Variants in RYR2 observed in about 807,000 individuals in gnomAD.
RYR2 encodes the protein cardiac muscle ryanodine receptor-calcium release channel.
In RYR2, 227 loss-of-function variants were observed where a neutral mutation model predicts 601.1. That is an observed-to-expected ratio of 0.38 (90% CI 0.34 to 0.42). The LOEUF is 0.42. RYR2 is among the 10% of genes least tolerant of loss of function. The pLI is 1.00. For missense variants in RYR2, 4,646 were observed against 6,156.5 expected (o/e 0.75, Z 8.21); for synonymous variants, 2,223 against 2,175.1 (o/e 1.02, Z -0.61).
chr1:237,678,022 T>C, intron 60 of RYR2, 26 bp from the exon 61 acceptor site: 1 of 1,440,992 alleles, frequency 6.9e-7, no homozygotes, highest in Non-Finnish European at 9.8e-7. Flanking sequence ...GTGCAGCATT[T>C]ACCTAAAAAC....
chr1:237,400,689 C>T (rs891702173), intron 10 of RYR2, among the ~76,000 whole-genome samples: 1 of 151,802 alleles, frequency 6.6e-6, no homozygotes, highest in East Asian at 1.9e-4. Flanking sequence ...GACATTATTT[C>T]ACACCAACCT....
Position 237,757,759 on chromosome 1 carries a change from A to C in RYR2, c.11308A>C (p.Asn3770His). ...TGGAATTGCTATTTTAAATGGTGGG[A>C]ACTCCACAGTACAGCAGGTAACAGC... ...KLGIAILNGG[N>H]STVQQKMLDY... Residue 3770 changes from asparagine (N) to histidine (H), a missense_variant, in exon 82 of 105, where the codon AAC becomes CAC. Physicochemically the swap from Asn to His is moderately conservative, Grantham distance 68. Transcript: ENST00000366574. 1 of 1,608,342 alleles carries C rather than the reference A, an allele frequency of 6.2e-7. No individual in the cohort carries two copies. Among genetic ancestry groups the C allele is most frequent in the Non-Finnish European group, 8.5e-7 (1 of 1,174,836 alleles).
intron 8 of RYR2, among the ~76,000 whole-genome samples, chr1:237,378,147 T>TA (rs1457227189): frequency 1.3e-5 from 2 of 152,168 alleles, no homozygotes; most frequent in Non-Finnish European, 1.5e-5. Context: ...CTCCTCTTTT[T>TA]AAAACCATTA....
At chr1:237,215,625 T>C (rs1299565752) in intron 1 of RYR2, among the ~76,000 whole-genome samples, 1 of 152,198 alleles carries the variant, frequency 6.6e-6, no homozygotes, top group African/African-American at 2.4e-5. Context: ...AGACTGGGTT[T>C]TGAAGACCAG....
intron 1 of RYR2, among the ~76,000 whole-genome samples, chr1:237,258,888 G>A (rs1688249488): frequency 2.0e-5 from 3 of 152,104 alleles, no homozygotes; most frequent in Admixed American, 2.0e-4. Context: ...TGATAGAAGT[G>A]TTTATTTCTA....
intron 1 of RYR2, among the ~76,000 whole-genome samples, chr1:237,212,912 C>T (rs1471815472): frequency 1.3e-5 from 2 of 151,944 alleles, no homozygotes; most frequent in Non-Finnish European, 2.9e-5. Context: ...GCTGGGATTA[C>T]AGGCACCCAC....
intron 34 of RYR2, among the ~76,000 whole-genome samples, chr1:237,596,143 T>A (rs1187122480): frequency 6.6e-6 from 1 of 152,114 alleles, no homozygotes; most frequent in Non-Finnish European, 1.5e-5. Context: ...AACACGCGAA[T>A]GGAAGGAAAC....
At chr1:237,284,896 T>C (rs1477219327) in intron 2 of RYR2, among the ~76,000 whole-genome samples, 2 of 152,122 alleles carry the variant, frequency 1.3e-5, no homozygotes, top group Admixed American at 6.5e-5. Flanking sequence ...GAAACTTTGC[T>C]TAATTCTTTT....
intron 1 of RYR2, among the ~76,000 whole-genome samples, chr1:237,185,257 C>T (rs1159776769): frequency 6.6e-6 from 1 of 152,088 alleles, no homozygotes; most frequent in Admixed American, 6.5e-5. Flanking sequence ...ACCTTGGCCT[C>T]CCAAATTGCT....
At chr1:237,442,275 T>C (rs997116373) in intron 13 of RYR2, among the ~76,000 whole-genome samples, 3 of 152,250 alleles carry the variant, frequency 2.0e-5, no homozygotes, top group Non-Finnish European at 4.4e-5. Context: ...TGGTCATGGT[T>C]CTTCTACTAG....
chr1:237,117,742 CTTCTCTTCTCTTCT>C (rs1558264534), intron 1 of RYR2, among the ~76,000 whole-genome samples: 76 of 140,694 alleles, frequency 5.4e-4, no homozygotes, highest in African/African-American at 1.9e-3. Flanking sequence ...CTTCTCTTCT[CTTCTCTTCTCTTCT>C]CTGTTCTGAG....
At position 237,416,524 on chromosome 1, in the gene RYR2, T is replaced by C. The variant is rs568724151; in HGVS notation, c.774-525T>C. 4.6e-5 allele frequency among the ~76,000 whole-genome samples: 7 copies of C among 152,316 alleles called. No homozygotes were observed. In the East Asian group the frequency reaches 1.2e-3, roughly 25 times the overall value. On this transcript the variant is annotated intron_variant, in intron 10 of 104. Transcript: ENST00000366574. ...GACTTTTTGGATATTCATATTTTGA[T>C]ATAAATTGCAGATTGCTGTGTTAAA...
At chr1:237,346,552 A>G (rs1042354249) in intron 3 of RYR2, among the ~76,000 whole-genome samples, 13 of 152,236 alleles carry the variant, frequency 8.5e-5, no homozygotes, top group African/African-American at 3.1e-4. Context: ...AAATTTCTAA[A>G]CCCTTTCCTT....
chr1:237,796,767 C>T (rs1261145786), intron 96 of RYR2, among the ~76,000 whole-genome samples: 1 of 151,754 alleles, frequency 6.6e-6, no homozygotes, highest in Non-Finnish European at 1.5e-5. Context: ...TCTTTAATTG[C>T]TTTTCCTGTT....
At chr1:237,802,867 GTTTT>G (rs1203816435) in intron 98 of RYR2, among the ~76,000 whole-genome samples, 1 of 152,194 alleles carries the variant, frequency 6.6e-6, no homozygotes, top group African/African-American at 2.4e-5. Context: ...TTGCTTTGTA[GTTTT>G]TTTGTCCTCT....
chr1:237,042,538 A>T lies in RYR2; in HGVS notation c.17A>T (p.Glu6Val). ...CGCGGAACCATGGCCGATGGGGGCGAGGGCGAAGACGAGATCCAGTTCCTG... is the reference window on the plus strand; with the variant it reads ...CGCGGAACCATGGCCGATGGGGGCGTGGGCGAAGACGAGATCCAGTTCCTG... MADGG[E>V]GEDEIQFLRT... Residue 6 changes from glutamate to valine, a missense_variant, in exon 1 of 105, where the codon GAG becomes GTG. This residue lies in a region of RYR2 where 153 missense variants were observed against 203.6 expected (regional missense o/e 0.75). Coordinates refer to ENST00000366574, the MANE Select transcript of RYR2 (RefSeq NM_001035.3). 1.6e-6 allele frequency: 2 copies of T among 1,259,138 alleles called. No homozygotes were observed. The highest frequency in any genetic ancestry group is 2.0e-6 in the Non-Finnish European group (2 of 994,212). 78.0% of individuals were successfully genotyped at this position (1,259,138 alleles called of 1,614,324 possible).
chr1:237,705,135 T>A (rs1688265223), intron 66 of RYR2, 78 bp from the exon 67 acceptor site: 5 of 1,295,546 alleles, frequency 3.9e-6, no homozygotes, highest in Non-Finnish European at 5.4e-6. Flanking sequence ...CCTTTTAGGT[T>A]AAATTTGCTA....
At chr1:237,410,806 G>C (rs1362882283) in intron 10 of RYR2, among the ~76,000 whole-genome samples, 2 of 152,120 alleles carry the variant, frequency 1.3e-5, no homozygotes, top group South Asian at 2.1e-4. Context: ...CTACAGTAAG[G>C]GTGACAAAGC....
At chr1:237,719,774 A>G (rs2149109912) in intron 73 of RYR2, among the ~76,000 whole-genome samples, 1 of 151,694 alleles carries the variant, frequency 6.6e-6, no homozygotes, top group Non-Finnish European at 1.5e-5. Flanking sequence ...TCCAACACTG[A>G]GGATTACATT....
Sources: gnomAD v4.1 joint callset for allele counts (sites outside exome capture counted in the v4.1 genomes callset) on GRCh38, gnomAD v4.1.1 for gene constraint, gnomAD v4.1.1 regional missense constraint, MANE v1.5 for transcripts, NCBI Gene and HGNC (gene_info 2026-07-23, HGNC 2026-07-21) for gene names.